CRY2: variants seen among roughly 807,000 people sequenced by gnomAD.
CRY2 encodes the protein cryptochrome circadian regulator 2.
Under a neutral mutation model 69.5 loss-of-function variants are expected in CRY2, and 31 were observed. The observed-to-expected ratio is 0.45, with a 90% CI of 0.34 to 0.60. CRY2 has a LOEUF of 0.60. Ranked by LOEUF, CRY2 falls within the 20% of genes least tolerant of loss-of-function variation. The pLI is 0.02. For synonymous variants in CRY2, 303 were observed against 312.2 expected (o/e 0.97, Z 0.31); for missense variants, 606 against 797.8 (o/e 0.76, Z 2.90).
chr11:45,879,454 A>T (rs947237577), intron 11 of CRY2, among the ~76,000 whole-genome samples: 1 of 152,174 alleles, frequency 6.6e-6, no homozygotes, highest in African/African-American at 2.4e-5. Context: ...ATTCACATGT[A>T]TGTCTGTTGG....
intron 1 of CRY2, among the ~76,000 whole-genome samples, chr11:45,853,357 C>T (rs2086212681): frequency 6.6e-6 from 1 of 152,162 alleles, no homozygotes; most frequent in African/African-American, 2.4e-5. Flanking sequence ...CTACCAGCCT[C>T]ACATCTCTGC....
intron 2 of CRY2, 36 bp from the exon 3 acceptor site, chr11:45,858,695 A>G: frequency 6.3e-7 from 1 of 1,591,746 alleles, no homozygotes; most frequent in Non-Finnish European, 8.6e-7. Context: ...TCCTCCCCAA[A>G]CACAGTGTTG....
At position 45,861,036 on chromosome 11, in the gene CRY2, C is replaced by T. The variant is rs370942873; in HGVS notation, c.652+4C>T. On this transcript the variant is annotated splice_donor_region_variant and intron_variant, in intron 4 of 11. Transcript: ENST00000616080. ...GTGCCCTCCCTGGAGGAGCTGGGTG[C>T]GTACTTCCTGCCCAGAGCCACTTGT... 5.0e-5 allele frequency: 81 copies of T among 1,609,188 alleles called. No individual in the cohort carries two copies. The highest frequency in any genetic ancestry group is 8.0e-5 in the African/African-American group (6 of 74,870).
At chr11:45,874,372 G>A (rs984376408) in intron 11 of CRY2, among the ~76,000 whole-genome samples, 6 of 152,160 alleles carry the variant, frequency 3.9e-5, no homozygotes, top group Non-Finnish European at 8.8e-5. Context: ...ACAAATAGGG[G>A]CTTATTTTTC....
rs148466933 is a variant in CRY2, at chr11:45,856,544, C to T, written c.324+454C>T. Among the ~76,000 whole-genome samples the T allele has an allele frequency of 6.2e-3, 942 of 152,356 alleles. 13 individuals carry two copies. The highest frequency in any genetic ancestry group is 0.02 in the Middle Eastern group (6 of 294). ...GGGCGAGGTGGCTCACGCCTGTAAT[C>T]CCAGCACTTTGGGAGGCCGAGGCAG... On this transcript the variant is annotated intron_variant, in intron 2 of 11. Coordinates refer to ENST00000616080, the MANE Select transcript of CRY2 (RefSeq NM_021117.5).
chr11:45,881,066 GT>G lies in CRY2; in HGVS notation c.*158del, dbSNP rs2086468523. 1 of 152,536 alleles carries G rather than the reference GT, an allele frequency of 6.6e-6. No individual in the cohort carries two copies. Among genetic ancestry groups the G allele is most frequent in the African/African-American group, 2.4e-5 (1 of 41,470 alleles). The allele number at this position is 152,536 out of a possible 1,614,324, so 9.4% of individuals were successfully genotyped here. ...GTGCAGAGGAGGGAGTGGTGTGCCT[GT>G]TTGTGTGTGCATGCATCTGTTGACA... On this transcript the variant is annotated 3_prime_UTR_variant, in exon 12 of 12. Transcript: ENST00000616080.
chr11:45,858,917 TA>T, intron 3 of CRY2, 44 bp downstream of exon 3: 2 of 1,597,004 alleles, frequency 1.3e-6, no homozygotes, highest in Non-Finnish European at 1.7e-6. Context: ...TTGTGAGAGT[TA>T]GTAATTTGGG....
chr11:45,852,883 A>C (rs539975805), intron 1 of CRY2, among the ~76,000 whole-genome samples: 10 of 152,322 alleles, frequency 6.6e-5, no homozygotes, highest in Admixed American at 3.3e-4. Context: ...TCTGCATTTC[A>C]ACAGACTCCT....
chr11:45,876,810 A>G (rs958019863), intron 11 of CRY2, among the ~76,000 whole-genome samples: 6 of 152,216 alleles, frequency 3.9e-5, no homozygotes, highest in Non-Finnish European at 7.3e-5. Context: ...GGCACTAGCA[A>G]TTGGTAAAAT....
At position 45,858,778 on chromosome 11, in the gene CRY2, T is replaced by C. The variant is rs1194462626; in HGVS notation, c.372T>C (p.Phe124=). ...RLTFEYDSEP[F]GKERDAAIMK... Reference sequence around the variant, plus strand: ...CCTTTGAATATGACTCTGAACCCTTTGGGAAAGAACGGGATGCAGCCATCA... The same window carrying C: ...CCTTTGAATATGACTCTGAACCCTTCGGGAAAGAACGGGATGCAGCCATCA... The change falls in exon 3 of 12, where the codon TTT becomes TTC. Residue 124 remains phenylalanine (F), a synonymous_variant. Transcript: ENST00000616080. The C allele has an allele frequency of 1.9e-6, 3 of 1,614,050 alleles. No individual in the cohort carries two copies. The African/African-American group carries it at 4.0e-5, about 22-fold the overall frequency.
chr11:45,870,745 G>C, intron 9 of CRY2, 97 bp from the exon 10 acceptor site: 1 of 1,166,654 alleles, frequency 8.6e-7, no homozygotes. Context: ...TCAGTGTCTT[G>C]CTCCTACCCT....
chr11:45,870,798 A>G (rs369568207), intron 9 of CRY2, 44 bp from the exon 10 acceptor site: 39 of 1,539,838 alleles, frequency 2.5e-5, no homozygotes, highest in Middle Eastern at 3.4e-4. Context: ...GCCCTCTGCA[A>G]TCCTGCGAGA....
chr11:45,880,583 C>CTTGTCA, intron 11 of CRY2, among the ~76,000 whole-genome samples: 1 of 152,306 alleles, frequency 6.6e-6, no homozygotes, highest in South Asian at 2.1e-4. Flanking sequence ...AGAAGCTGCC[C>CTTGTCA]TTGTCATATC....
At chr11:45,876,027 G>C (rs547680667) in intron 11 of CRY2, among the ~76,000 whole-genome samples, 193 of 152,252 alleles carry the variant, frequency 1.3e-3, no homozygotes, top group Non-Finnish European at 2.5e-3. Flanking sequence ...AGCCCAAATT[G>C]GTATCATATT....
chr11:45,872,049 T>C (rs1343016659), intron 10 of CRY2, 43 bp from the exon 11 acceptor site: 1 of 1,607,786 alleles, frequency 6.2e-7, no homozygotes, highest in South Asian at 1.1e-5. Context: ...TCATTTTGGC[T>C]GCATGCACAG....
At chr11:45,847,414 T>C, upstream of CRY2, 1 of 1,579,786 alleles carries the variant, frequency 6.3e-7, no homozygotes, top group Non-Finnish European at 8.6e-7. Flanking sequence ...GCGTCATAGG[T>C]CACTGGGCGG....
intron 10 of CRY2, among the ~76,000 whole-genome samples, chr11:45,871,292 A>T (rs552459560): frequency 3.9e-5 from 6 of 152,304 alleles, no homozygotes; most frequent in African/African-American, 1.4e-4. Context: ...AAAAGCTCAC[A>T]AACAGTACCG....
intron 4 of CRY2, 34 bp downstream of exon 4, chr11:45,861,066 G>A (rs749827090): frequency 1.9e-6 from 3 of 1,578,898 alleles, no homozygotes; most frequent in Non-Finnish European, 1.7e-6. Context: ...ACTTGTGCTG[G>A]TGCCTGCTTT....
At chr11:45,858,939 G>A in intron 3 of CRY2, 66 bp downstream of exon 3, 1 of 1,571,494 alleles carries the variant, frequency 6.4e-7, no homozygotes, top group Non-Finnish European at 8.6e-7. Context: ...CCCCTGCTGA[G>A]CGGAACTCAG....
Sources: gnomAD v4.1 joint callset for allele counts (sites outside exome capture counted in the v4.1 genomes callset) on GRCh38, gnomAD v4.1.1 for gene constraint, MANE v1.5 for transcripts, NCBI Gene and HGNC (gene_info 2026-07-23, HGNC 2026-07-21) for gene names.